The following ASTN2 variants were observed in gnomAD, a reference collection of about 807,000 sequenced individuals.
ASTN2 encodes the protein astrotactin-2.
In ASTN2, 54 loss-of-function variants were observed where a neutral mutation model predicts 139.8. The ratio of observed to expected loss-of-function variants is 0.39; its 90% CI spans 0.31 to 0.48. The LOEUF (loss-of-function observed/expected upper bound fraction) is 0.48. Ranked by LOEUF, ASTN2 falls within the 20% of genes least tolerant of loss-of-function variation. The pLI, the probability that ASTN2 is intolerant of heterozygous loss-of-function variation, is 0.95. For missense variants in ASTN2, 1,565 were observed against 1,725.1 expected (o/e 0.91, Z 1.64); for synonymous variants, 756 against 719.5 (o/e 1.05, Z -0.81).
intron 3 of ASTN2, among the ~76,000 whole-genome samples, chr9:117,182,229 C>T (rs1213437410): frequency 1.4e-5 from 2 of 144,782 alleles, no homozygotes; most frequent in South Asian, 2.2e-4. Context: ...TACTGCATGC[C>T]TTCCAAAAAA....
intron 13 of ASTN2, among the ~76,000 whole-genome samples, chr9:116,746,381 C>T (rs1167216650): frequency 1.3e-5 from 2 of 152,102 alleles, no homozygotes; most frequent in South Asian, 2.1e-4. Context: ...CCACCATGCC[C>T]GGCCAATTGA....
intron 19 of ASTN2, among the ~76,000 whole-genome samples, chr9:116,576,887 G>A (rs1332490247): frequency 1.3e-5 from 2 of 152,078 alleles, no homozygotes; most frequent in Admixed American, 1.3e-4. Context: ...TGCTTATAAA[G>A]CACTTTTATC....
intron 10 of ASTN2, among the ~76,000 whole-genome samples, chr9:116,939,767 C>CAGTCAGTTTTCACAATGACTCAGGT (rs1345381580): frequency 8.3e-4 from 126 of 152,286 alleles, no homozygotes; most frequent in Non-Finnish European, 1.3e-3. Context: ...TGAAGGGAAG[C>CAGTCAGTTTTCACAATGACTCAGGT]AGTCAGTTTT....
At chr9:117,380,027 T>C (rs1830224873) in intron 1 of ASTN2, among the ~76,000 whole-genome samples, 1 of 151,988 alleles carries the variant, frequency 6.6e-6, no homozygotes, top group African/African-American at 2.4e-5. Context: ...GAGACACTAA[T>C]GTGAAAGGTT....
intron 14 of ASTN2, among the ~76,000 whole-genome samples, chr9:116,732,274 C>T (rs1828805341): frequency 6.6e-6 from 1 of 152,166 alleles, no homozygotes; most frequent in Admixed American, 6.5e-5. Flanking sequence ...AATGGCCTTG[C>T]AGGGTTACAT....
At chr9:116,645,916 G>T (rs938424056) in intron 17 of ASTN2, among the ~76,000 whole-genome samples, 1 of 152,084 alleles carries the variant, frequency 6.6e-6, no homozygotes. Context: ...GTTACCAAAG[G>T]AAACATAGAA....
intron 17 of ASTN2, among the ~76,000 whole-genome samples, chr9:116,650,467 T>C (rs567948401): frequency 3.7e-4 from 57 of 152,324 alleles, no homozygotes; most frequent in African/African-American, 1.3e-3. Context: ...AATCACTTAA[T>C]ATCTTTGAGG....
chr9:116,923,466 A>C (rs2132439591), intron 10 of ASTN2, among the ~76,000 whole-genome samples: 1 of 152,332 alleles, frequency 6.6e-6, no homozygotes, highest in African/African-American at 2.4e-5. Flanking sequence ...TCCTGGAAAA[A>C]CCAGACTTCT....
At chr9:116,965,339 C>A (rs1835984295) in intron 10 of ASTN2, among the ~76,000 whole-genome samples, 1 of 152,172 alleles carries the variant, frequency 6.6e-6, no homozygotes, top group South Asian at 2.1e-4. Flanking sequence ...ATTTCCATGG[C>A]TGTATCTGTA....
At chr9:116,702,374 A>G (rs1172520573) in intron 16 of ASTN2, among the ~76,000 whole-genome samples, 1 of 152,008 alleles carries the variant, frequency 6.6e-6, no homozygotes, top group Non-Finnish European at 1.5e-5. Context: ...ACAGGTTTCT[A>G]TTTGGTGATT....
intron 3 of ASTN2, among the ~76,000 whole-genome samples, chr9:117,149,229 G>A (rs984309863): frequency 4.6e-5 from 7 of 151,626 alleles, no homozygotes; most frequent in Non-Finnish European, 8.8e-5. Flanking sequence ...CATGTTGGCC[G>A]GGCTGGTCTC....
chr9:116,689,481 T>C (rs1860454821), intron 16 of ASTN2, among the ~76,000 whole-genome samples: 1 of 152,168 alleles, frequency 6.6e-6, no homozygotes, highest in African/African-American at 2.4e-5. Context: ...GGCTCTACTG[T>C]ATTCAGTTTT....
At chr9:116,571,074 A>T (rs540181170) in intron 19 of ASTN2, among the ~76,000 whole-genome samples, 5 of 152,318 alleles carry the variant, frequency 3.3e-5, no homozygotes, top group South Asian at 4.1e-4. Flanking sequence ...GAGATGGGGA[A>T]GATTGGAGCT....
intron 1 of ASTN2, among the ~76,000 whole-genome samples, chr9:117,312,391 G>A (rs1488314257): frequency 1.3e-5 from 2 of 152,128 alleles, no homozygotes; most frequent in Non-Finnish European, 2.9e-5. Context: ...GAGAAAGCAG[G>A]CTTCAGGCTC....
chr9:116,795,740 T>TG (rs35696190), intron 13 of ASTN2, among the ~76,000 whole-genome samples: 1 of 152,130 alleles, frequency 6.6e-6, no homozygotes, highest in Non-Finnish European at 1.5e-5. Flanking sequence ...CTCCTGGAAC[T>TG]GGGGGGAAAG....
At chr9:117,264,758 G>C (rs972104819) in intron 2 of ASTN2, among the ~76,000 whole-genome samples, 1 of 152,206 alleles carries the variant, frequency 6.6e-6, no homozygotes, top group Non-Finnish European at 1.5e-5. Context: ...GGAAGTGTTA[G>C]GCTTAACGTT....
At chr9:117,212,761 G>A (rs1429675375) in intron 3 of ASTN2, among the ~76,000 whole-genome samples, 1 of 152,156 alleles carries the variant, frequency 6.6e-6, no homozygotes, top group African/African-American at 2.4e-5. Flanking sequence ...CAGTTAGAAT[G>A]GCTATTATAA....
At chr9:116,828,275 T>C (rs944471981) in intron 11 of ASTN2, among the ~76,000 whole-genome samples, 3 of 129,962 alleles carry the variant, frequency 2.3e-5, no homozygotes, top group African/African-American at 9.1e-5. Flanking sequence ...CACTCTAGCC[T>C]GGGCAACAGA....
At chr9:116,567,480 C>T (rs1052195128) in intron 19 of ASTN2, among the ~76,000 whole-genome samples, 2 of 152,144 alleles carry the variant, frequency 1.3e-5, no homozygotes, top group African/African-American at 2.4e-5. Context: ...TGTGGACATG[C>T]AGCTTCTCCC....
Sources: allele counts gnomAD v4.1 joint callset (sites outside exome capture counted in the v4.1 genomes callset), GRCh38; gene constraint gnomAD v4.1.1; transcripts MANE v1.5; gene names NCBI Gene and HGNC (gene_info 2026-07-23, HGNC 2026-07-21).